GABRG3: variants seen among roughly 807,000 people sequenced by gnomAD.
GABRG3 encodes gamma-aminobutyric acid type A receptor subunit gamma3.
A neutral mutation model predicts 48.8 loss-of-function variants in GABRG3; 25 were observed. That is an observed-to-expected ratio of 0.51 (90% CI 0.37 to 0.72). The LOEUF (loss-of-function observed/expected upper bound fraction) is 0.72, where lower values mean the gene tolerates loss of function less well. GABRG3 is among the 30% of genes least tolerant of loss of function. The pLI, the probability that GABRG3 is intolerant of heterozygous loss-of-function variation, is 0.00. For synonymous variants in GABRG3, 227 were observed against 217.6 expected (o/e 1.04, Z -0.38); for missense variants, 394 against 577.9 (o/e 0.68, Z 3.26).
intron 3 of GABRG3, among the ~76,000 whole-genome samples, chr15:27,184,337 T>C (rs1286122414): frequency 6.6e-6 from 1 of 152,160 alleles, no homozygotes; most frequent in Non-Finnish European, 1.5e-5. Context: ...AACTGGGACA[T>C]TTGTGAACAT....
At chr15:27,059,894 G>A (rs937657689) in intron 3 of GABRG3, among the ~76,000 whole-genome samples, 1 of 152,194 alleles carries the variant, frequency 6.6e-6, no homozygotes, top group African/African-American at 2.4e-5. Context: ...GTAGCAAAAG[G>A]TGGCCATTCC....
At chr15:26,999,415 T>C (rs1895403530) in intron 2 of GABRG3, among the ~76,000 whole-genome samples, 1 of 152,170 alleles carries the variant, frequency 6.6e-6, no homozygotes, top group South Asian at 2.1e-4. Flanking sequence ...TTTAAGGACA[T>C]TGAAATCCAC....
At chr15:27,467,989 G>A (rs780357818) in intron 5 of GABRG3, among the ~76,000 whole-genome samples, 2 of 152,122 alleles carry the variant, frequency 1.3e-5, no homozygotes, top group Non-Finnish European at 2.9e-5. Context: ...GATGCAAATC[G>A]TCCCCTTCTC....
intron 6 of GABRG3, among the ~76,000 whole-genome samples, chr15:27,516,376 C>T (rs1045711726): frequency 2.0e-5 from 3 of 152,202 alleles, no homozygotes; most frequent in Non-Finnish European, 4.4e-5. Context: ...TGTACACTTA[C>T]TTCCTTTGGT....
At chr15:26,981,992 G>A (rs1566899613) in intron 2 of GABRG3, among the ~76,000 whole-genome samples, 1 of 152,184 alleles carries the variant, frequency 6.6e-6, no homozygotes, top group African/African-American at 2.4e-5. Context: ...TGCCTCAGTT[G>A]CCTCTCCTAT....
chr15:27,400,455 T>C (rs1416398530), intron 5 of GABRG3, among the ~76,000 whole-genome samples: 1 of 152,246 alleles, frequency 6.6e-6, no homozygotes, highest in Non-Finnish European at 1.5e-5. Flanking sequence ...TTCCTTACCA[T>C]TGAATAAGAT....
chr15:27,307,188 TTTATA>T (rs1244594009), intron 3 of GABRG3, among the ~76,000 whole-genome samples: 1 of 137,538 alleles, frequency 7.3e-6, no homozygotes, highest in South Asian at 2.4e-4. Context: ...TATAAACATG[TTTATA>T]TTATAATACA....
intron 3 of GABRG3, among the ~76,000 whole-genome samples, chr15:27,035,665 C>T (rs1896164356): frequency 6.6e-6 from 1 of 152,186 alleles, no homozygotes; most frequent in Admixed American, 6.5e-5. Context: ...GCCCCACTTG[C>T]CTAGAGACAG....
In GABRG3 at chr15:27,423,060, AG is replaced by A. The variant is rs148861835; in HGVS notation, c.575-57587del. ...ACCTGGGGGTCCAGGGCTTTTATAA[AG>A]GGCTGGCCACAGAGACACATCTTAC... is the stretch of plus-strand genomic sequence containing the variant. On this transcript the variant is annotated intron_variant, in intron 5 of 9. Coordinates refer to ENST00000615808, the MANE Select transcript of GABRG3 (RefSeq NM_033223.5). Among the ~76,000 whole-genome samples, 1,188 of 152,028 alleles carry A rather than the reference AG, an allele frequency of 7.8e-3. 23 individuals are homozygous for A. The highest frequency in any genetic ancestry group is 0.028 in the African/African-American group (1,153 of 41,442).
chr15:27,385,950 A>G (rs1334058797), intron 5 of GABRG3, among the ~76,000 whole-genome samples: 2 of 152,142 alleles, frequency 1.3e-5, no homozygotes, highest in Non-Finnish European at 2.9e-5. Flanking sequence ...TTAATGTTTG[A>G]TAAGTTTTTG....
chr15:27,214,018 T>C (rs1889158851), intron 3 of GABRG3, among the ~76,000 whole-genome samples: 1 of 152,196 alleles, frequency 6.6e-6, no homozygotes, highest in Non-Finnish European at 1.5e-5. Context: ...GCAGTATTTT[T>C]TAGCAGGTAA....
rs545781562 is a variant in GABRG3, at chr15:27,076,404, A to G, written c.270+49583A>G. On this transcript the variant is annotated intron_variant, in intron 3 of 9. Coordinates refer to ENST00000615808, the MANE Select transcript of GABRG3 (RefSeq NM_033223.5). ...AATGGCATGATCTCGGCTCACTGCA[A>G]CCTCCACCTCCTGGGTTCAAGCGAT... Among the ~76,000 whole-genome samples, 195 of 147,506 alleles carry G rather than the reference A, an allele frequency of 1.3e-3. 1 individual carries two copies. The highest frequency in any genetic ancestry group is 2.1e-4 in the Non-Finnish European group (14 of 67,350).
chr15:27,081,786 T>A (rs1299258336), intron 3 of GABRG3, among the ~76,000 whole-genome samples: 1 of 152,152 alleles, frequency 6.6e-6, no homozygotes, highest in Non-Finnish European at 1.5e-5. Flanking sequence ...TCGACCCCGC[T>A]CCCCAGGAGA....
At chr15:27,080,960 G>T (rs1896982989) in intron 3 of GABRG3, among the ~76,000 whole-genome samples, 1 of 152,172 alleles carries the variant, frequency 6.6e-6, no homozygotes, top group Non-Finnish European at 1.5e-5. Flanking sequence ...GTGGTGGGGA[G>T]GGGGACAGAG....
intron 5 of GABRG3, among the ~76,000 whole-genome samples, chr15:27,388,159 A>G (rs752872755): frequency 0.011 from 167 of 15,602 alleles, 1 homozygote; most frequent in Non-Finnish European, 0.013. Flanking sequence ...AGGAAGGAAG[A>G]AAGGAAGGAA....
chr15:27,440,001 C>T (rs1888735598), intron 5 of GABRG3, among the ~76,000 whole-genome samples: 1 of 152,126 alleles, frequency 6.6e-6, no homozygotes, highest in Non-Finnish European at 1.5e-5. Context: ...TGTGCACATC[C>T]CTGAATGGTG....
chr15:27,202,189 A>G (rs1888705827), intron 3 of GABRG3, among the ~76,000 whole-genome samples: 1 of 152,204 alleles, frequency 6.6e-6, no homozygotes, highest in African/African-American at 2.4e-5. Flanking sequence ...AATCCTATAC[A>G]AAGACATATA....
chr15:27,127,395 G>C (rs1897839735), intron 3 of GABRG3, among the ~76,000 whole-genome samples: 1 of 142,444 alleles, frequency 7.0e-6, no homozygotes, highest in African/African-American at 2.6e-5. Context: ...ACTTAGAGTG[G>C]TCAAATTCAT....
chr15:27,047,200 T>C (rs922954326), intron 3 of GABRG3, among the ~76,000 whole-genome samples: 1 of 152,234 alleles, frequency 6.6e-6, no homozygotes, highest in Non-Finnish European at 1.5e-5. Flanking sequence ...ATGTTCCATA[T>C]TCCCCGAGAC....
Sources: allele counts gnomAD v4.1 joint callset (sites outside exome capture counted in the v4.1 genomes callset), GRCh38; gene constraint gnomAD v4.1.1; transcripts MANE v1.5; gene names NCBI Gene and HGNC (gene_info 2026-07-23, HGNC 2026-07-21).